NXPH2: variants seen among roughly 807,000 people sequenced by gnomAD.
The protein encoded by NXPH2 is neurexophilin 2.
Under a neutral mutation model 19.8 loss-of-function variants are expected in NXPH2, and 5 were observed. The ratio of observed to expected loss-of-function variants is 0.25; its 90% CI spans 0.13 to 0.53. The LOEUF (loss-of-function observed/expected upper bound fraction) is 0.53, where lower values mean the gene tolerates loss of function less well. NXPH2 is among the 20% of genes least tolerant of loss of function. The pLI, the probability that NXPH2 is intolerant of heterozygous loss-of-function variation, is 0.96. For missense variants in NXPH2, 289 were observed against 322.8 expected (o/e 0.90, Z 0.80); for synonymous variants, 154 against 127.4 (o/e 1.21, Z -1.41).
intron 1 of NXPH2, among the ~76,000 whole-genome samples, chr2:138,675,812 T>C (rs11689032): frequency 0.73 from 110,241 of 152,048 alleles, 40,540 homozygotes; most frequent in Non-Finnish European, 0.76. Flanking sequence ...TCCAAACCTG[T>C]TCAAAGAGCC....
rs953658301 is a variant in NXPH2 at position 138,686,445 on chromosome 2, G to A, written c.52-14780C>T. Among the ~76,000 whole-genome samples the A allele has an allele frequency of 6.6e-5, 10 of 152,180 alleles. 1 individual carries two copies. Among genetic ancestry groups the A allele is most frequent in the Admixed American group, 6.5e-4 (10 of 15,292 alleles). On this transcript the variant is annotated intron_variant, in intron 1 of 1. Transcript: ENST00000272641. ...TTAGGCCCAGTAAATTTTCTAAAAT[G>A]CAAATTTAGCTGTGAGATGTCTTTT...
intron 1 of NXPH2, among the ~76,000 whole-genome samples, chr2:138,682,212 T>C (rs148165043): frequency 2.6e-5 from 4 of 152,296 alleles, no homozygotes; most frequent in Non-Finnish European, 5.9e-5. Flanking sequence ...ACAAAATATA[T>C]AATTAATGAT....
intron 1 of NXPH2, among the ~76,000 whole-genome samples, chr2:138,775,093 C>T (rs1245960719): frequency 6.6e-6 from 1 of 152,072 alleles, no homozygotes; most frequent in East Asian, 1.9e-4. Flanking sequence ...GAAGTGAGCA[C>T]AAGAATGGCA....
chr2:138,744,095 G>A (rs749302495), intron 1 of NXPH2, among the ~76,000 whole-genome samples: 13 of 150,164 alleles, frequency 8.7e-5, no homozygotes, highest in South Asian at 4.3e-4. Context: ...TCTCTTACTC[G>A]CTTTAAGAAC....
At chr2:138,737,747 A>G (rs1681574011) in intron 1 of NXPH2, among the ~76,000 whole-genome samples, 1 of 152,198 alleles carries the variant, frequency 6.6e-6, no homozygotes, top group African/African-American at 2.4e-5. Flanking sequence ...ATCAGTATCT[A>G]TAAAATACAT....
chr2:138,729,816 C>T (rs1681418785), intron 1 of NXPH2, among the ~76,000 whole-genome samples: 1 of 152,164 alleles, frequency 6.6e-6, no homozygotes, highest in Non-Finnish European at 1.5e-5. Context: ...TCTTTAAGGG[C>T]TTATGACTCC....
intron 1 of NXPH2, among the ~76,000 whole-genome samples, chr2:138,693,606 G>A (rs964810528): frequency 1.3e-5 from 2 of 151,650 alleles, no homozygotes; most frequent in African/African-American, 4.8e-5. Flanking sequence ...CATCAAAGAT[G>A]TGACTCTCTA....
At chr2:138,681,874 G>A (rs1171553901) in intron 1 of NXPH2, among the ~76,000 whole-genome samples, 1 of 152,140 alleles carries the variant, frequency 6.6e-6, no homozygotes, top group Non-Finnish European at 1.5e-5. Flanking sequence ...TGTTGTTAAC[G>A]ATGGGATCTA....
At chr2:138,747,461 G>A (rs1308955840) in intron 1 of NXPH2, among the ~76,000 whole-genome samples, 1 of 152,184 alleles carries the variant, frequency 6.6e-6, no homozygotes, top group Non-Finnish European at 1.5e-5. Context: ...AGGCTGTGAA[G>A]GGGCCCCGTG....
rs2105007854 is a variant in NXPH2 at position 138,744,292 on chromosome 2, A to T, written c.51+35899T>A. 2.0e-5 allele frequency among the ~76,000 whole-genome samples: 3 copies of T among 152,282 alleles called. 1 individual carries two copies. ...TACAAGTACAGATAAATAGTCTGTG[A>T]AACTGATGATTGGCTTCATAATGGA... On this transcript the variant is annotated intron_variant, in intron 1 of 1. Transcript: ENST00000272641.
At chr2:138,697,634 A>G (rs911134040) in intron 1 of NXPH2, among the ~76,000 whole-genome samples, 3 of 151,910 alleles carry the variant, frequency 2.0e-5, no homozygotes, top group Non-Finnish European at 4.4e-5. Flanking sequence ...AGGATAATAC[A>G]TTCTTGGTAT....
At chr2:138,676,408 C>G (rs557832602) in intron 1 of NXPH2, among the ~76,000 whole-genome samples, 1 of 152,102 alleles carries the variant, frequency 6.6e-6, no homozygotes, top group Non-Finnish European at 1.5e-5. Context: ...GTCCCCAGTC[C>G]ACATGCTCAA....
intron 1 of NXPH2, among the ~76,000 whole-genome samples, chr2:138,726,978 A>T (rs1349968395): frequency 6.6e-6 from 1 of 152,276 alleles, no homozygotes; most frequent in South Asian, 2.1e-4. Flanking sequence ...CCAGGCAGCC[A>T]CTGATCTTTT....
chr2:138,755,776 A>T (rs1681897092), intron 1 of NXPH2, among the ~76,000 whole-genome samples: 1 of 152,138 alleles, frequency 6.6e-6, no homozygotes, highest in Admixed American at 6.6e-5. Context: ...TGACATTTTA[A>T]CAATATTGAG....
At chr2:138,686,327 G>GA (rs2104972557) in intron 1 of NXPH2, among the ~76,000 whole-genome samples, 2 of 152,194 alleles carry the variant, frequency 1.3e-5, no homozygotes, top group African/African-American at 4.8e-5. Flanking sequence ...GGTTCAACAG[G>GA]ACTGTCCTGG....
intron 1 of NXPH2, among the ~76,000 whole-genome samples, chr2:138,746,418 C>T (rs1681734551): frequency 1.3e-5 from 2 of 151,894 alleles, no homozygotes; most frequent in Admixed American, 6.5e-5. Context: ...AGGAACTGGC[C>T]AAAGCTTTCC....
chr2:138,765,758 C>G (rs1446671503), intron 1 of NXPH2, among the ~76,000 whole-genome samples: 1 of 152,072 alleles, frequency 6.6e-6, no homozygotes, highest in Non-Finnish European at 1.5e-5. Context: ...AAAAATATAA[C>G]CTGGGTTTGT....
chr2:138,707,522 T>C (rs1375742521), intron 1 of NXPH2, among the ~76,000 whole-genome samples: 1 of 152,164 alleles, frequency 6.6e-6, no homozygotes, highest in Non-Finnish European at 1.5e-5. Flanking sequence ...CAAAGAGCAT[T>C]TGCTTGACAT....
intron 1 of NXPH2, among the ~76,000 whole-genome samples, chr2:138,767,000 T>C (rs1478446761): frequency 6.6e-6 from 1 of 152,220 alleles, no homozygotes; most frequent in Non-Finnish European, 1.5e-5. Context: ...ATGGCTTCTA[T>C]TAACTTCTTA....
Sources: allele counts gnomAD v4.1 joint callset (sites outside exome capture counted in the v4.1 genomes callset), GRCh38; gene constraint gnomAD v4.1.1; transcripts MANE v1.5; gene names NCBI Gene and HGNC (gene_info 2026-07-23, HGNC 2026-07-21).